ATRN: variants seen among roughly 807,000 people sequenced by gnomAD.
ATRN encodes the protein attractin.
A neutral mutation model predicts 178.7 loss-of-function variants in ATRN; 54 were observed. The ratio of observed to expected loss-of-function variants is 0.30; its 90% CI spans 0.24 to 0.38. The LOEUF is 0.38. Among genes scored for constraint, ATRN ranks in the 10% least tolerant of loss-of-function variants. The probability of loss-of-function intolerance (pLI) is 1.00; values close to 1 mark genes in which losing one functional copy is unlikely to be tolerated. For missense variants in ATRN, 1,443 were observed against 1,815.1 expected, an observed-to-expected ratio of 0.79 and a Z score of 3.73; for synonymous variants, 636 against 663.0, an observed-to-expected ratio of 0.96 and a Z score of 0.63.
At chr20:3,551,988 T>G (rs1014240692) in intron 6 of ATRN, among the ~76,000 whole-genome samples, 1 of 152,200 alleles carries the variant, frequency 6.6e-6, no homozygotes, top group Admixed American at 6.5e-5. Flanking sequence ...AGGAGCTGAA[T>G]TTTTTATTTT....
At chr20:3,554,525 T>G (rs1405795102) in intron 6 of ATRN, among the ~76,000 whole-genome samples, 4 of 151,522 alleles carry the variant, frequency 2.6e-5, no homozygotes, top group Admixed American at 1.3e-4. Context: ...TTAGTAGAGA[T>G]GGGTTTCACC....
In ATRN at chr20:3,647,439, C is replaced by G. The variant is rs2087115977; in HGVS notation, c.*592C>G. On this transcript the variant is annotated 3_prime_UTR_variant, in exon 29 of 29. Coordinates refer to ENST00000262919, the MANE Select transcript of ATRN (RefSeq NM_139321.3). The stretch of plus-strand genomic sequence containing the variant: ...ATATCAAGCTAGGATAGAAGGGGGG[C>G]TATTTTAAATGTCAAGGTCAGCAGT... 1 of 152,520 alleles carries G rather than the reference C, an allele frequency of 6.6e-6. No homozygotes were observed. The highest frequency in any genetic ancestry group is 1.5e-5 in the Non-Finnish European group (1 of 68,022). 9.4% of individuals were successfully genotyped at this position (152,520 alleles called of 1,614,324 possible). A position where few individuals can be genotyped will look rare whatever the true frequency, so the allele number is the denominator to read the frequency against.
At chr20:3,566,078 T>C (rs762389080) in intron 11 of ATRN, among the ~76,000 whole-genome samples, 16 of 152,116 alleles carry the variant, frequency 1.1e-4, no homozygotes, top group Non-Finnish European at 2.2e-4. Context: ...TTGTTATTGT[T>C]AGTGGTATTT....
At chr20:3,617,556 T>C (rs235524) in intron 24 of ATRN, among the ~76,000 whole-genome samples, 84,016 of 151,918 alleles carry the variant, frequency 0.55, 24,850 homozygotes, top group African/African-American at 0.75. Context: ...TGGTAGCTCA[T>C]GTCTGTAATC....
At position 3,584,062 on chromosome 20, in the gene ATRN, T is replaced by C. The variant is rs974769772; in HGVS notation, c.2929T>C (p.Tyr977His). The C allele has an allele frequency of 3.1e-6, 5 of 1,613,920 alleles. No individual in the cohort carries two copies. Among genetic ancestry groups the C allele is most frequent in the Non-Finnish European group, 4.2e-6 (5 of 1,179,962 alleles). The stretch of plus-strand genomic sequence containing the variant: ...CCCTTTTGGCCAGTGTATGGAATGG[T>C]ATACGATGAGCACCTGCCCCCGTAA... ...SFPFGQCMEW[Y>H]TMSTCPPENC... is the part of the protein sequence containing the mutation. Residue 977 changes from tyrosine to histidine, a missense_variant, in exon 17 of 29, where the codon TAT (tyrosine) becomes CAT (histidine). Transcript: ENST00000262919.
At chr20:3,642,702 C>G (rs567004680) in intron 27 of ATRN, among the ~76,000 whole-genome samples, 1 of 152,298 alleles carries the variant, frequency 6.6e-6, no homozygotes, top group East Asian at 1.9e-4. Flanking sequence ...TTCAGCCAAA[C>G]TGAAGAAACT....
Position 3,624,445 on chromosome 20 carries a change from T to C in ATRN, c.3802-66T>C. On this transcript the variant is annotated intron_variant, in intron 24 of 28. Coordinates refer to ENST00000262919, the MANE Select transcript of ATRN (RefSeq NM_139321.3). ...TCTGTTTTCAGCTTAACTCTTGAAA[T>C]GAGAAGCGTGAATCCGTGGTGGTTT... 2.2e-6 allele frequency: 3 copies of C among 1,341,176 alleles called. No individual in the cohort carries two copies. In the East Asian group the frequency reaches 6.9e-5, roughly 31 times the overall value. The allele number at this position is 1,341,176 out of a possible 1,614,324, so 83.1% of individuals were successfully genotyped here.
intron 11 of ATRN, among the ~76,000 whole-genome samples, chr20:3,571,409 T>C (rs1188057100): frequency 1.3e-5 from 2 of 152,228 alleles, no homozygotes; most frequent in East Asian, 1.9e-4. Context: ...CTTCTAGAAA[T>C]GTGATTTCAG....
At chr20:3,483,642 C>T (rs529083342) in intron 1 of ATRN, among the ~76,000 whole-genome samples, 62 of 152,248 alleles carry the variant, frequency 4.1e-4, no homozygotes, top group African/African-American at 1.2e-3. Context: ...CCACCATGCC[C>T]GGCCCAATTA....
At chr20:3,620,276 G>A (rs535508623) in intron 24 of ATRN, among the ~76,000 whole-genome samples, 4 of 151,640 alleles carry the variant, frequency 2.6e-5, no homozygotes, top group African/African-American at 7.3e-5. Flanking sequence ...AGACAGTCTC[G>A]CTCTGTCACC....
intron 7 of ATRN, among the ~76,000 whole-genome samples, chr20:3,560,015 C>A (rs1200859022): frequency 2.6e-5 from 4 of 151,894 alleles, no homozygotes; most frequent in Admixed American, 1.3e-4. Flanking sequence ...CTTTTGCTAA[C>A]CCTTAAAATT....
chr20:3,483,417 G>T (rs1466034099), intron 1 of ATRN, among the ~76,000 whole-genome samples: 2 of 151,898 alleles, frequency 1.3e-5, no homozygotes, highest in African/African-American at 4.8e-5. Flanking sequence ...TGTAATCACC[G>T]CTCACTGCAG....
intron 27 of ATRN, among the ~76,000 whole-genome samples, chr20:3,643,853 G>A (rs138078006): frequency 5.7e-4 from 87 of 152,278 alleles, no homozygotes; most frequent in African/African-American, 2.0e-3. Flanking sequence ...TTCAAATCGA[G>A]CCAAAGTACA....
At chr20:3,564,831 C>T (rs2086009080) in intron 10 of ATRN, among the ~76,000 whole-genome samples, 1 of 151,960 alleles carries the variant, frequency 6.6e-6, no homozygotes, top group African/African-American at 2.4e-5. Flanking sequence ...TTTGGGAGGC[C>T]CAGGTGGGCA....
At chr20:3,606,097 C>T (rs1382418290) in intron 24 of ATRN, among the ~76,000 whole-genome samples, 1 of 152,144 alleles carries the variant, frequency 6.6e-6, no homozygotes, top group Admixed American at 6.5e-5. Context: ...ATCAGCTTCT[C>T]CCTTTGCCCT....
At chr20:3,471,573 G>C (rs964262650) in intron 1 of ATRN, 56 bp downstream of exon 1, 7 of 1,364,478 alleles carry the variant, frequency 5.1e-6, no homozygotes, top group South Asian at 1.8e-5. Context: ...GGGCTGAGGG[G>C]CGTTCGAGAC....
intron 9 of ATRN, 89 bp downstream of exon 9, chr20:3,562,548 A>C: frequency 7.4e-7 from 1 of 1,342,716 alleles, no homozygotes; most frequent in Middle Eastern, 1.9e-4. Flanking sequence ...TTTTGTTTTC[A>C]TGCCTGGCAG....
At chr20:3,513,502 G>A (rs895322865) in intron 1 of ATRN, among the ~76,000 whole-genome samples, 1 of 152,146 alleles carries the variant, frequency 6.6e-6, no homozygotes, top group Non-Finnish European at 1.5e-5. Context: ...TGCTGTTTTG[G>A]TTACTGTAGC....
In ATRN at chr20:3,547,383, T is replaced by G. The variant is rs1345521391; in HGVS notation, c.837T>G (p.Gly279=). ...VECECSENWK[G]EACDIPHCTD... is the part of the protein sequence containing the mutation. Reference sequence around the variant, plus strand: ...GTGAATGTTCTGAAAACTGGAAAGGTGAAGCATGTGACATTCCTCACTGTA... The same window carrying G: ...GTGAATGTTCTGAAAACTGGAAAGGGGAAGCATGTGACATTCCTCACTGTA... Residue 279 remains glycine (G), a synonymous_variant, in exon 5 of 29, where the codon GGT becomes GGG. Coordinates refer to ENST00000262919, the MANE Select transcript of ATRN (RefSeq NM_139321.3). 1.9e-6 allele frequency: 3 copies of G among 1,613,812 alleles called. No homozygotes were observed. The highest frequency in any genetic ancestry group is 2.5e-6 in the Non-Finnish European group (3 of 1,179,790).
Sources: gnomAD v4.1 joint callset for allele counts (sites outside exome capture counted in the v4.1 genomes callset) on GRCh38, gnomAD v4.1.1 for gene constraint, MANE v1.5 for transcripts, NCBI Gene and HGNC (gene_info 2026-07-23, HGNC 2026-07-21) for gene names.